PCGF3: variants seen among roughly 807,000 people sequenced by gnomAD.
PCGF3 encodes the protein polycomb group RING finger protein 3.
PCGF3 carries 7 observed loss-of-function variants against 33.1 expected under a neutral mutation model. The observed-to-expected ratio is 0.21, with a 90% confidence interval of 0.12 to 0.40. PCGF3 has a LOEUF of 0.40. PCGF3 is among the 10% of genes least tolerant of loss of function. The pLI is 1.00. For synonymous variants in PCGF3, 153 were observed against 121.3 expected, an observed-to-expected ratio of 1.26 and a Z score of -1.72; for missense variants, 211 against 313.3, an observed-to-expected ratio of 0.67 and a Z score of 2.46.
intron 10 of PCGF3, 32 bp downstream of exon 10, chr4:765,096 C>T (rs1745287472): frequency 1.4e-6 from 2 of 1,456,472 alleles, no homozygotes. Flanking sequence ...TCAGAGTCTG[C>T]TCTGAATGGC....
intron 1 of PCGF3, among the ~76,000 whole-genome samples, chr4:724,524 G>A (rs1345238352): frequency 3.3e-5 from 5 of 152,202 alleles, no homozygotes; most frequent in Non-Finnish European, 7.3e-5. Flanking sequence ...TACTCCAGGT[G>A]TTTTGTTAGA....
intron 3 of PCGF3, 56 bp from the exon 4 acceptor site, chr4:733,616 A>C: frequency 1.3e-6 from 2 of 1,537,966 alleles, no homozygotes; most frequent in South Asian, 2.5e-5. Context: ...AGCTCAGCCA[A>C]GGATGAAAGG....
chr4:753,397 G>A (rs1050092399), intron 8 of PCGF3, among the ~76,000 whole-genome samples: 7 of 152,176 alleles, frequency 4.6e-5, no homozygotes, highest in South Asian at 2.1e-4. Flanking sequence ...GCTCACGCCC[G>A]TAATCCCAGC....
At chr4:760,738 G>A (rs146203327) in intron 8 of PCGF3, among the ~76,000 whole-genome samples, 2 of 152,148 alleles carry the variant, frequency 1.3e-5, no homozygotes, top group Non-Finnish European at 2.9e-5. Context: ...ATTCCTTTTC[G>A]CACCGGGCAG....
intron 3 of PCGF3, chr4:732,316 A>ACCCTC (rs1253417125): frequency 2.3e-5 from 2 of 88,316 alleles, no homozygotes; most frequent in Admixed American, 1.1e-4. Flanking sequence ...TTCCCTCCCT[A>ACCCTC]CCCTCCCCTC....
chr4:740,596 T>C (rs1253669318), intron 6 of PCGF3, among the ~76,000 whole-genome samples: 1 of 152,238 alleles, frequency 6.6e-6, no homozygotes, highest in East Asian at 1.9e-4. Flanking sequence ...CCTCTTGCTT[T>C]AGAAACGTGG....
intron 6 of PCGF3, among the ~76,000 whole-genome samples, chr4:738,995 C>G (rs1249622061): frequency 6.6e-6 from 1 of 152,216 alleles, no homozygotes. Context: ...GTCCTTGCTG[C>G]ACCTGCTGCT....
At position 753,149 on chromosome 4, in the gene PCGF3, G is replaced by A. The variant is rs567978147; in HGVS notation, c.463-8130G>A. Among the ~76,000 whole-genome samples, 78 of 152,192 alleles carry A rather than the reference G, an allele frequency of 5.1e-4. 1 individual carries two copies. Among genetic ancestry groups the A allele is most frequent in the Admixed American group, 8.5e-4 (13 of 15,284 alleles). On this transcript the variant is annotated intron_variant, in intron 8 of 10. Transcript: ENST00000362003. ...TTCTCTCCCAGAGCTGACAAGCCCC[G>A]GAGCAAATGGCAAGGAAGTTAGAAC...
At chr4:730,500 T>G (rs748376212) in intron 1 of PCGF3, 130 bp from the exon 2 acceptor site, 2 of 152,116 alleles carry the variant, frequency 1.3e-5, no homozygotes, top group Admixed American at 6.5e-5. Flanking sequence ...TCACGGTCCC[T>G]GTGAAGAACT....
intron 9 of PCGF3, 181 bp from the exon 10 acceptor site, chr4:764,803 T>TC (rs1745271296): frequency 1.7e-6 from 1 of 576,348 alleles, no homozygotes; most frequent in South Asian, 2.0e-5. Flanking sequence ...GGGACCACAC[T>TC]CCATCTCTAG....
chr4:725,443 T>C (rs1743283739), intron 1 of PCGF3, among the ~76,000 whole-genome samples: 1 of 152,050 alleles, frequency 6.6e-6, no homozygotes, highest in Non-Finnish European at 1.5e-5. Context: ...GTGGGGCCCA[T>C]GGGACCATCT....
intron 3 of PCGF3, among the ~76,000 whole-genome samples, chr4:733,161 G>A (rs541791826): frequency 3.6e-4 from 55 of 152,326 alleles, no homozygotes; most frequent in African/African-American, 1.3e-3. Flanking sequence ...AAGCCGCGCC[G>A]GCCCCACAAG....
intron 8 of PCGF3, among the ~76,000 whole-genome samples, chr4:756,327 C>T (rs1386042386): frequency 6.6e-6 from 1 of 151,860 alleles, no homozygotes; most frequent in Admixed American, 6.6e-5. Flanking sequence ...AGTCTCCCAC[C>T]TCCGCCTCCT....
At chr4:744,449 G>A (rs897140998) in intron 7 of PCGF3, 151 bp from the exon 8 acceptor site, 3 of 630,498 alleles carry the variant, frequency 4.8e-6, no homozygotes, top group Non-Finnish European at 8.4e-6. Flanking sequence ...GACACTTTGC[G>A]GACGGCTTTC....
At chr4:757,274 T>G (rs1371534081) in intron 8 of PCGF3, 2 of 147,498 alleles carry the variant, frequency 1.4e-5, no homozygotes, top group Admixed American at 1.3e-4. Context: ...CCCCATGCAC[T>G]GCAGACCCCG....
intron 7 of PCGF3, 84 bp downstream of exon 7, chr4:743,668 C>A: frequency 1.3e-6 from 1 of 794,304 alleles, no homozygotes; most frequent in Non-Finnish European, 2.1e-6. Flanking sequence ...TGTCTGCCGG[C>A]CCCTCCCACA....
chr4:718,157 C>T (rs747588495), intron 1 of PCGF3, among the ~76,000 whole-genome samples: 7 of 152,106 alleles, frequency 4.6e-5, no homozygotes, highest in East Asian at 1.9e-4. Context: ...ATGGACGTGC[C>T]GGCCGCCCAC....
intron 1 of PCGF3, among the ~76,000 whole-genome samples, chr4:727,250 T>TTTTTTTTTG (rs1743370019): frequency 6.9e-6 from 1 of 145,454 alleles, no homozygotes; most frequent in Non-Finnish European, 1.5e-5. Context: ...TTTTTTTTTT[T>TTTTTTTTTG]TTTTTTTTGA....
intron 6 of PCGF3, among the ~76,000 whole-genome samples, chr4:740,958 C>T (rs190899583): frequency 3.9e-5 from 6 of 152,242 alleles, no homozygotes; most frequent in Admixed American, 1.3e-4. Context: ...GACGTCAGAA[C>T]GAGGAAAGGA....
Sources: gnomAD v4.1 joint callset for allele counts (sites outside exome capture counted in the v4.1 genomes callset) on GRCh38, gnomAD v4.1.1 for gene constraint, MANE v1.5 for transcripts, NCBI Gene and HGNC (gene_info 2026-07-23, HGNC 2026-07-21) for gene names.